RREB1: variants seen among roughly 807,000 people sequenced by gnomAD.
RREB1 encodes the protein ras responsive element binding protein 1.
Under a neutral mutation model 117.8 loss-of-function variants are expected in RREB1, and 27 were observed. The ratio of observed to expected loss-of-function variants is 0.23; its 90% CI spans 0.17 to 0.32. RREB1 has a LOEUF of 0.32. RREB1 is among the 10% of genes least tolerant of loss of function. The probability of loss-of-function intolerance (pLI) is 1.00; values close to 1 mark genes in which losing one functional copy is unlikely to be tolerated. For missense variants in RREB1, 2,577 were observed against 2,378.2 expected, an observed-to-expected ratio of 1.08 and a Z score of -1.74; for synonymous variants, 1,298 against 1,026.7, an observed-to-expected ratio of 1.26 and a Z score of -5.05.
At chr6:7,232,259 C>G (rs1768038960) in intron 10 of RREB1, among the ~76,000 whole-genome samples, 3 of 152,170 alleles carry the variant, frequency 2.0e-5, no homozygotes, top group Admixed American at 2.0e-4. Context: ...AACAGGGAGG[C>G]GGCTCCACAG....
intron 1 of RREB1, among the ~76,000 whole-genome samples, chr6:7,162,270 C>T (rs1763708692): frequency 6.6e-6 from 1 of 150,730 alleles, no homozygotes; most frequent in Non-Finnish European, 1.5e-5. Context: ...TGGCAGTTTA[C>T]CCTAAAAAAA....
At chr6:7,210,405 C>T (rs1040751289) in intron 6 of RREB1, among the ~76,000 whole-genome samples, 2 of 152,208 alleles carry the variant, frequency 1.3e-5, no homozygotes, top group African/African-American at 4.8e-5. Context: ...GCAAGGATAG[C>T]ATTATCACTT....
At chr6:7,117,060 G>A (rs1033638591) in intron 1 of RREB1, among the ~76,000 whole-genome samples, 1 of 152,108 alleles carries the variant, frequency 6.6e-6, no homozygotes. Context: ...ATTACTCGTA[G>A]GATTCAAAAC....
chr6:7,170,780 C>T (rs917274228), intron 1 of RREB1, among the ~76,000 whole-genome samples: 2 of 152,166 alleles, frequency 1.3e-5, no homozygotes. Context: ...TTGGTTTTTG[C>T]TCTGGAGGTG....
intron 1 of RREB1, among the ~76,000 whole-genome samples, chr6:7,114,468 T>TGG (rs35413838): frequency 0.02 from 2,597 of 130,558 alleles, 55 homozygotes; most frequent in Non-Finnish European, 0.025. Flanking sequence ...GTGTTTCTGG[T>TGG]GGGGGGGGGG....
rs545067916 is a variant in RREB1, at chr6:7,130,345, A to G, written c.-285+22285A>G. On this transcript the variant is annotated intron_variant, in intron 1 of 12. Transcript: ENST00000379938. ...GCTGGAAGCGCCTGAAAGAGAGGCA[A>G]CCGAAGCCAAGGCTGCCATAATCCA... is the stretch of plus-strand genomic sequence containing the variant. Among the ~76,000 whole-genome samples, 5 of 152,300 alleles carry G rather than the reference A, an allele frequency of 3.3e-5. No individual in the cohort carries two copies. In the East Asian group the frequency reaches 7.7e-4, roughly 24 times the overall value.
chr6:7,190,427 TTTA>T (rs1335391666), intron 6 of RREB1, among the ~76,000 whole-genome samples: 1 of 152,236 alleles, frequency 6.6e-6, no homozygotes, highest in African/African-American at 2.4e-5. Context: ...GCACTCAGTG[TTTA>T]TTATTATTTG....
In RREB1 at chr6:7,226,582, C is replaced by T; in HGVS notation, c.823C>T (p.Pro275Ser). The T allele has an allele frequency of 6.2e-7, 1 of 1,614,156 alleles. No individual in the cohort carries two copies. The highest frequency in any genetic ancestry group is 1.1e-5 in the South Asian group (1 of 91,082). Residue 275 changes from proline (P) to serine (S), a missense_variant, in exon 9 of 13, where the codon CCT becomes TCT. By Grantham distance (74) the Pro-to-Ser change is moderately conservative. Coordinates refer to ENST00000379938, the MANE Select transcript of RREB1 (RefSeq NM_001003699.4). Reference sequence around the variant, plus strand: ...GGGCAGACCTTTCATACAGAACAACCCTTCAATTCCTGCTGGCTTCCACGA... The same window carrying T: ...GGGCAGACCTTTCATACAGAACAACTCTTCAATTCCTGCTGGCTTCCACGA... ...AMGRPFIQNN[P>S]SIPAGFHDLG...
At position 7,194,924 on chromosome 6, in the gene RREB1, T is replaced by G. The variant is rs547202629; in HGVS notation, c.425+5602T>G. Among the ~76,000 whole-genome samples, 3 of 152,326 alleles carry G rather than the reference T, an allele frequency of 2.0e-5. No homozygotes were observed. The East Asian group carries it at 5.8e-4, about 29-fold the overall frequency. ...CAAGTTACCTGACACCTCTGTGTCC[T>G]AATTACTTCATCTGTAAAAGGTAGT... On this transcript the variant is annotated intron_variant, in intron 6 of 12. Transcript: ENST00000379938.
At chr6:7,143,751 T>C (rs777711977) in intron 1 of RREB1, among the ~76,000 whole-genome samples, 7 of 152,252 alleles carry the variant, frequency 4.6e-5, no homozygotes, top group Non-Finnish European at 8.8e-5. Flanking sequence ...AGTTTATGAA[T>C]GCACCATTTG....
At chr6:7,119,405 G>C (rs1311297610) in intron 1 of RREB1, among the ~76,000 whole-genome samples, 1 of 152,112 alleles carries the variant, frequency 6.6e-6, no homozygotes, top group African/African-American at 2.4e-5. Flanking sequence ...TTATATACAC[G>C]TGCTAAGTGC....
chr6:7,233,657 C>A (rs1045354520), intron 10 of RREB1, among the ~76,000 whole-genome samples: 1 of 151,872 alleles, frequency 6.6e-6, no homozygotes, highest in Non-Finnish European at 1.5e-5. Flanking sequence ...TTTCTTTTTG[C>A]GCTAAATATG....
intron 1 of RREB1, 124 bp downstream of exon 1, chr6:7,108,184 G>GT (rs1167595723): frequency 6.6e-6 from 1 of 152,242 alleles, no homozygotes; most frequent in Non-Finnish European, 1.5e-5. Context: ...AGAGCGCGTT[G>GT]TACTTTTGAA....
chr6:7,241,498 A>AT (rs1311974278), intron 11 of RREB1, among the ~76,000 whole-genome samples: 1 of 152,052 alleles, frequency 6.6e-6, no homozygotes, highest in Non-Finnish European at 1.5e-5. Flanking sequence ...CTGCGAAGAG[A>AT]TCCCCCCAGC....
intron 6 of RREB1, among the ~76,000 whole-genome samples, chr6:7,199,547 A>G (rs950462279): frequency 3.1e-4 from 47 of 152,214 alleles, no homozygotes; most frequent in African/African-American, 1.1e-3. Context: ...CAAGTTGTGC[A>G]AATCCTTATT....
At chr6:7,175,555 C>T (rs1001686561) in intron 1 of RREB1, among the ~76,000 whole-genome samples, 3 of 152,164 alleles carry the variant, frequency 2.0e-5, no homozygotes, top group Non-Finnish European at 4.4e-5. Flanking sequence ...GTTTCTCGCC[C>T]GGTGTTGTCC....
intron 6 of RREB1, 47 bp from the exon 7 acceptor site, chr6:7,210,757 C>A: frequency 1.3e-6 from 2 of 1,534,788 alleles, no homozygotes; most frequent in South Asian, 1.2e-5. Flanking sequence ...CATAAATGAA[C>A]TGACTTCTTT....
chr6:7,134,601 A>G (rs1581430089), intron 1 of RREB1, among the ~76,000 whole-genome samples: 1 of 152,360 alleles, frequency 6.6e-6, no homozygotes, highest in African/African-American at 2.4e-5. Context: ...GAAAAACTCT[A>G]TCGACATTTT....
intron 1 of RREB1, among the ~76,000 whole-genome samples, chr6:7,135,902 G>A (rs1762334622): frequency 6.6e-6 from 1 of 152,148 alleles, no homozygotes; most frequent in African/African-American, 2.4e-5. Context: ...TACTAAAGCT[G>A]GATTTTTACT....
Sources: gnomAD v4.1 joint callset for allele counts (sites outside exome capture counted in the v4.1 genomes callset) on GRCh38, gnomAD v4.1.1 for gene constraint, MANE v1.5 for transcripts, NCBI Gene and HGNC (gene_info 2026-07-23, HGNC 2026-07-21) for gene names.